The following GRIN2A variants were observed in gnomAD, a reference collection of about 807,000 sequenced individuals.
The protein encoded by GRIN2A is glutamate ionotropic receptor NMDA type subunit 2A.
Under a neutral mutation model 113.4 loss-of-function variants are expected in GRIN2A, and 22 were observed. The observed-to-expected ratio is 0.19, with a 90% CI of 0.14 to 0.28. The LOEUF (loss-of-function observed/expected upper bound fraction) is 0.28, where lower values mean the gene tolerates loss of function less well. Among genes scored for constraint, GRIN2A ranks in the 10% least tolerant of loss-of-function variants. The pLI is 1.00. For missense variants in GRIN2A, 1,502 were observed against 1,887.0 expected (o/e 0.80, Z 3.78); for synonymous variants, 827 against 738.4 (o/e 1.12, Z -1.94).
At chr16:10,140,015 C>T (rs1009725824) in intron 2 of GRIN2A, among the ~76,000 whole-genome samples, 1 of 152,128 alleles carries the variant, frequency 6.6e-6, no homozygotes, top group Non-Finnish European at 1.5e-5. Flanking sequence ...TATAGCCCTG[C>T]TGAACATTTC....
At chr16:10,176,648 A>G (rs1238720222) in intron 2 of GRIN2A, among the ~76,000 whole-genome samples, 1 of 142,502 alleles carries the variant, frequency 7.0e-6, no homozygotes, top group Non-Finnish European at 1.5e-5. Flanking sequence ...GAATTGAACA[A>G]TGAGAACACT....
chr16:9,956,073 G>C (rs2045302295), intron 2 of GRIN2A, among the ~76,000 whole-genome samples: 1 of 152,154 alleles, frequency 6.6e-6, no homozygotes, highest in South Asian at 2.1e-4. Flanking sequence ...ATTCTCAGGG[G>C]CTTGAATCAG....
intron 4 of GRIN2A, among the ~76,000 whole-genome samples, chr16:9,879,913 G>A (rs1169214312): frequency 6.6e-6 from 1 of 152,116 alleles, no homozygotes; most frequent in Non-Finnish European, 1.5e-5. Flanking sequence ...TGAATTAAGT[G>A]CCATAACCTA....
At chr16:9,950,385 T>C (rs942963990) in intron 2 of GRIN2A, among the ~76,000 whole-genome samples, 9 of 152,046 alleles carry the variant, frequency 5.9e-5, no homozygotes, top group African/African-American at 1.9e-4. Flanking sequence ...CATGGTTACT[T>C]GAGGCCCTAG....
chr16:9,838,151 A>C (rs2042613025), intron 7 of GRIN2A, among the ~76,000 whole-genome samples: 1 of 152,166 alleles, frequency 6.6e-6, no homozygotes, highest in East Asian at 1.9e-4. Flanking sequence ...TCAGTTTACA[A>C]TTTGCTTTAA....
chr16:10,089,769 G>A (rs1448242), intron 2 of GRIN2A, among the ~76,000 whole-genome samples: 141,947 of 152,248 alleles, frequency 0.93, 66,976 homozygotes, highest in East Asian at 1. Context: ...ACAGCAAGCT[G>A]TCTTGATAAG....
At chr16:10,112,750 C>A (rs1351953409) in intron 2 of GRIN2A, 9 of 724,044 alleles carry the variant, frequency 1.2e-5, no homozygotes, top group Non-Finnish European at 2.0e-5. Flanking sequence ...AAGTTTGTGC[C>A]CTACCTCATA....
chr16:9,853,881 A>G (rs76894942), intron 4 of GRIN2A, among the ~76,000 whole-genome samples: 1,659 of 152,306 alleles, frequency 0.011, 24 homozygotes, highest in African/African-American at 0.037. Context: ...CAGCAAAAAA[A>G]CCCATTATAT....
At chr16:9,990,025 T>A (rs2046069879) in intron 2 of GRIN2A, among the ~76,000 whole-genome samples, 1 of 152,178 alleles carries the variant, frequency 6.6e-6, no homozygotes, top group Non-Finnish European at 1.5e-5. Context: ...AGCAATCCCA[T>A]CACTGGGTAT....
In GRIN2A at chr16:9,759,082, G is replaced by A. The variant is rs1195383268; in HGVS notation, c.*4067C>T. ...TCAAGGATTCATGCACAACAGCTAT[G>A]CACAAAGAAACAGTACAGGAATGTG... On this transcript the variant is annotated 3_prime_UTR_variant, in exon 13 of 13. Transcript: ENST00000330684. The A allele has an allele frequency of 5.5e-5, 12 of 218,422 alleles. No individual in the cohort carries two copies. Among genetic ancestry groups the A allele is most frequent in the Non-Finnish European group, 9.2e-6 (1 of 108,914 alleles). The allele number at this position is 218,422 out of a possible 1,614,324, so 13.5% of individuals were successfully genotyped here.
intron 2 of GRIN2A, chr16:10,112,939 G>T: frequency 2.6e-6 from 1 of 391,868 alleles, no homozygotes; most frequent in Non-Finnish European, 4.9e-6. Context: ...TCCACCTTCG[G>T]GCACAACCTC....
At chr16:10,069,325 T>A (rs968287100) in intron 2 of GRIN2A, among the ~76,000 whole-genome samples, 2 of 152,178 alleles carry the variant, frequency 1.3e-5, no homozygotes, top group African/African-American at 4.8e-5. Flanking sequence ...AGAAAGAGAA[T>A]GTTCCACCAT....
intron 3 of GRIN2A, among the ~76,000 whole-genome samples, chr16:9,930,015 C>A (rs984612609): frequency 1.3e-5 from 2 of 152,116 alleles, no homozygotes; most frequent in African/African-American, 2.4e-5. Context: ...ACTTGCATTG[C>A]AGGGCTGGCA....
In GRIN2A at chr16:9,763,339, C is replaced by T. The variant is rs74935155; in HGVS notation, c.4205G>A (p.Arg1402Gln). ...CGATGCCGTTGACCTCAAGGACGAC[C>T]GAAGATAGCTGTCATTCACCGCCTG... The part of the protein sequence containing the change: ...PSQAVNDSYL[R>Q]SSLRSTASYC... The change falls in exon 13 of 13, where the codon CGG becomes CAG. Residue 1402 changes from arginine (R) to glutamine (Q), a missense_variant. Transcript: ENST00000330684. 8.1e-6 allele frequency: 13 copies of T among 1,614,068 alleles called. No homozygotes were observed. The Admixed American group carries it at 1.5e-4, about 19-fold the overall frequency.
Position 10,145,513 on chromosome 16 carries a change from T to A in GRIN2A, c.414+34485A>T, listed in dbSNP as rs56136865. ...ATTTAGATGTCAATGCAGCTGTTTT[T>A]AAAAAAAAAAAATTGACCATGAGTT... On this transcript the variant is annotated intron_variant, in intron 2 of 12. Coordinates refer to ENST00000330684, the MANE Select transcript of GRIN2A (RefSeq NM_001134407.3). 3.3e-3 allele frequency among the ~76,000 whole-genome samples: 495 copies of A among 150,112 alleles called. 3 individuals carry two copies. The highest frequency in any genetic ancestry group is 0.011 in the African/African-American group (433 of 41,048).
intron 3 of GRIN2A, among the ~76,000 whole-genome samples, chr16:9,916,930 C>G (rs769817787): frequency 1.1e-4 from 16 of 152,206 alleles, no homozygotes; most frequent in Non-Finnish European, 1.0e-4. Context: ...AAACACCCAA[C>G]TTTCCCTTTT....
At chr16:10,059,431 G>A (rs1336804169) in intron 2 of GRIN2A, among the ~76,000 whole-genome samples, 2 of 152,068 alleles carry the variant, frequency 1.3e-5, no homozygotes, top group Non-Finnish European at 2.9e-5. Context: ...AGGCATCTAC[G>A]GGTACAGAAT....
rs1263710351 is a variant in GRIN2A at position 9,924,135 on chromosome 16, A to C, written c.1007+13824T>G. 4.6e-5 allele frequency among the ~76,000 whole-genome samples: 7 copies of C among 151,606 alleles called. 1 individual carries two copies. The highest frequency in any genetic ancestry group is 1.9e-4 in the East Asian group (1 of 5,188). On this transcript the variant is annotated intron_variant, in intron 3 of 12. Transcript: ENST00000330684. The stretch of plus-strand genomic sequence containing the variant: ...CAAAAAAAAAAAAAAAAAAAAAAAA[A>C]AAAACAAAAACCTCATGCGTTTAAC...
chr16:10,049,070 G>A (rs2047309509), intron 2 of GRIN2A, among the ~76,000 whole-genome samples: 1 of 152,096 alleles, frequency 6.6e-6, no homozygotes. Flanking sequence ...ATCTATAACA[G>A]TATTTTAATT....
Sources: allele counts gnomAD v4.1 joint callset (sites outside exome capture counted in the v4.1 genomes callset), GRCh38; gene constraint gnomAD v4.1.1; transcripts MANE v1.5; gene names NCBI Gene and HGNC (gene_info 2026-07-23, HGNC 2026-07-21).